MAGT1: variants seen among roughly 807,000 people sequenced by gnomAD.
The protein encoded by MAGT1 is magnesium transporter 1.
Under a neutral mutation model 28.4 loss-of-function variants are expected in MAGT1, and 4 were observed. That is an observed-to-expected ratio of 0.14 (90% CI 0.07 to 0.32). The LOEUF (loss-of-function observed/expected upper bound fraction) is 0.32. Among genes scored for constraint, MAGT1 ranks in the 10% least tolerant of loss-of-function variants. MAGT1 has a pLI of 1.00. For synonymous variants in MAGT1, 89 were observed against 89.7 expected, an observed-to-expected ratio of 0.99 and a Z score of 0.04; for missense variants, 193 against 264.5, an observed-to-expected ratio of 0.73 and a Z score of 1.88.
At chrX:77,858,933 G>C (rs1017439891) in intron 3 of MAGT1, among the ~76,000 whole-genome samples, 1 of 110,755 alleles carries the variant, frequency 9.0e-6, no homozygotes, top group Non-Finnish European at 1.9e-5. Flanking sequence ...AAACTGGCCG[G>C]GTGCGGTGGC....
At chrX:77,882,534 A>G (rs1557218576) in intron 1 of MAGT1, among the ~76,000 whole-genome samples, 1 of 111,878 alleles carries the variant, frequency 8.9e-6, no homozygotes, top group Non-Finnish European at 1.9e-5. Context: ...ACACAGTTTT[A>G]CATCCTCCTA....
At chrX:77,843,104 T>C (rs916169491) in intron 7 of MAGT1, among the ~76,000 whole-genome samples, 1 of 112,660 alleles carries the variant, frequency 8.9e-6, no homozygotes, top group Non-Finnish European at 1.9e-5. Flanking sequence ...TGTTGTATGC[T>C]ACCGCATGTG....
At chrX:77,871,667 C>A (rs1343045995) in intron 2 of MAGT1, among the ~76,000 whole-genome samples, 1 of 111,141 alleles carries the variant, frequency 9.0e-6, no homozygotes, top group Admixed American at 9.6e-5. Flanking sequence ...TATGGTGAAA[C>A]CCTATCTCTA....
intron 1 of MAGT1, among the ~76,000 whole-genome samples, chrX:77,880,755 C>T (rs1158876314): frequency 1.2e-4 from 13 of 108,948 alleles, no homozygotes; most frequent in Non-Finnish European, 2.5e-4. Context: ...GTCAGGACTT[C>T]GAGACCAGCC....
chrX:77,882,523 T>G (rs782459241), intron 1 of MAGT1, among the ~76,000 whole-genome samples: 4 of 111,851 alleles, frequency 3.6e-5, no homozygotes, highest in Non-Finnish European at 3.8e-5. Flanking sequence ...AACAGGTATT[T>G]ACACAGTTTT....
chrX:77,876,132 TTATATATATA>T lies in MAGT1; in HGVS notation c.103-545_103-536del, dbSNP rs1222026237. 3.6e-3 allele frequency among the ~76,000 whole-genome samples: 122 copies of T among 34,062 alleles called. 2 individuals are homozygous for T. The highest frequency in any genetic ancestry group is 0.02 in the Middle Eastern group (1 of 50). 29.6% of individuals were successfully genotyped at this position (34,062 alleles called of 115,157 possible). A position where few individuals can be genotyped will look rare whatever the true frequency, so the allele number is the denominator to read the frequency against. ...AGGCATGAGCCACCACACCTGGCCTTTATATATATATATATATATATATATATATATATTT... is the reference window on the plus strand; with the variant it reads ...AGGCATGAGCCACCACACCTGGCCTTTATATATATATATATATATATATTT... On this transcript the variant is annotated intron_variant, in intron 1 of 9. Coordinates refer to ENST00000618282, the MANE Select transcript of MAGT1 (RefSeq NM_001367916.1).
Position 77,826,512 on chromosome X carries a change from G to A in MAGT1, c.*2708C>T, listed in dbSNP as rs1371983426. On this transcript the variant is annotated 3_prime_UTR_variant, in exon 10 of 10. Coordinates refer to ENST00000618282, the MANE Select transcript of MAGT1 (RefSeq NM_001367916.1). ...CCATTACCAGAAAAGTAAATGAAGA[G>A]TCTACTTAAGGCACTTCATATGAAA... 1 of 112,443 alleles carries A rather than the reference G, an allele frequency of 8.9e-6. No homozygotes were observed. Among genetic ancestry groups the A allele is most frequent in the Non-Finnish European group, 1.9e-5 (1 of 53,222 alleles). The allele number at this position is 112,443 out of a possible 1,213,427, so 9.3% of individuals were successfully genotyped here. A position where few individuals can be genotyped will look rare whatever the true frequency, so the allele number is the denominator to read the frequency against.
At chrX:77,861,863 G>A (rs1188271752) in intron 3 of MAGT1, among the ~76,000 whole-genome samples, 1 of 111,262 alleles carries the variant, frequency 9.0e-6, no homozygotes, top group Non-Finnish European at 1.9e-5. Flanking sequence ...AATTCATAGA[G>A]ACAGAAAGTA....
Position 77,828,994 on chromosome X carries a change from G to T in MAGT1, c.*226C>A. On this transcript the variant is annotated 3_prime_UTR_variant, in exon 10 of 10. Coordinates refer to ENST00000618282, the MANE Select transcript of MAGT1 (RefSeq NM_001367916.1). The stretch of plus-strand genomic sequence containing the variant: ...ATTAAATGTTCCATAAAGTTCACTG[G>T]GAAGAGAAGGTTAAGAGGATAATTA... 1 of 337,997 alleles carries T rather than the reference G, an allele frequency of 3.0e-6. No individual in the cohort carries two copies. The highest frequency in any genetic ancestry group is 5.3e-6 in the Non-Finnish European group (1 of 188,826). 27.9% of individuals were successfully genotyped at this position (337,997 alleles called of 1,213,427 possible). A position where few individuals can be genotyped will look rare whatever the true frequency, so the allele number is the denominator to read the frequency against.
intron 5 of MAGT1, chrX:77,856,503 T>C (rs2149018153): frequency 2.9e-6 from 1 of 346,710 alleles, no homozygotes; most frequent in African/African-American, 2.7e-5. Flanking sequence ...TGACAGTCTG[T>C]CATTTAGGTT....
chrX:77,834,301 T>C (rs927859489), intron 8 of MAGT1, among the ~76,000 whole-genome samples: 5 of 101,197 alleles, frequency 4.9e-5, no homozygotes, highest in African/African-American at 1.4e-4. Context: ...TATATATATA[T>C]ACATGTGTGT....
At chrX:77,837,342 G>A in intron 8 of MAGT1, 1 of 111,993 alleles carries the variant, frequency 8.9e-6, no homozygotes, top group Non-Finnish European at 1.9e-5. Context: ...GAGAAGATTA[G>A]CATGGCCCCT....
intron 7 of MAGT1, among the ~76,000 whole-genome samples, chrX:77,848,386 C>CTCACGCTTGTGGCCAAGACGGGTGGA (rs1202303527): frequency 8.9e-5 from 10 of 112,421 alleles, no homozygotes. Flanking sequence ...GGCGTGGTGG[C>CTCACGCTTGTGGCCAAGACGGGTGGA]TCACGCTTGT....
chrX:77,889,631 A>G (rs2077076866), intron 1 of MAGT1, among the ~76,000 whole-genome samples: 1 of 109,989 alleles, frequency 9.1e-6, no homozygotes, highest in African/African-American at 3.3e-5. Flanking sequence ...TCGGCCTCCC[A>G]AAGTGCCAGG....
At chrX:77,836,148 C>A (rs1332765210) in intron 8 of MAGT1, among the ~76,000 whole-genome samples, 2 of 110,694 alleles carry the variant, frequency 1.8e-5, no homozygotes, top group South Asian at 3.8e-4. Context: ...AAAAAAAAAT[C>A]ATATGTTCTC....
At chrX:77,890,334 G>C (rs962742022) in intron 1 of MAGT1, among the ~76,000 whole-genome samples, 1 of 111,706 alleles carries the variant, frequency 9.0e-6, no homozygotes, top group Non-Finnish European at 1.9e-5. Flanking sequence ...AAATATAACG[G>C]GCAGATAATT....
chrX:77,884,986 C>T (rs782055492), intron 1 of MAGT1, among the ~76,000 whole-genome samples: 20 of 104,378 alleles, frequency 1.9e-4, no homozygotes, highest in Non-Finnish European at 9.8e-5. Context: ...GGCGTGAACC[C>T]GGGAGTCGGA....
rs2076886148 is a variant in MAGT1, at chrX:77,827,551, C to T, written c.*1669G>A. The T allele has an allele frequency of 9.3e-6, 1 of 107,174 alleles. No individual in the cohort carries two copies. The highest frequency in any genetic ancestry group is 1.9e-5 in the Non-Finnish European group (1 of 52,128). The allele number at this position is 107,174 out of a possible 1,213,427, so 8.8% of individuals were successfully genotyped here. ...CCATCTCCTGAGTTCAAGTGATTCT[C>T]GTGCCTCAGCCTCCTGTGTAGCTGG... On this transcript the variant is annotated 3_prime_UTR_variant, in exon 10 of 10. Coordinates refer to ENST00000618282, the MANE Select transcript of MAGT1 (RefSeq NM_001367916.1).
At chrX:77,852,827 G>T (rs1434767574) in intron 7 of MAGT1, among the ~76,000 whole-genome samples, 1 of 110,845 alleles carries the variant, frequency 9.0e-6, no homozygotes, top group Non-Finnish European at 1.9e-5. Flanking sequence ...CAAACTCCTG[G>T]GCTCAAGCAA....
Sources: gnomAD v4.1 joint callset for allele counts (sites outside exome capture counted in the v4.1 genomes callset) on GRCh38, gnomAD v4.1.1 for gene constraint, MANE v1.5 for transcripts, NCBI Gene and HGNC (gene_info 2026-07-23, HGNC 2026-07-21) for gene names.